Variants in JAK1 observed in about 807,000 individuals in gnomAD.
JAK1 encodes Janus kinase 1, also known as tyrosine-protein kinase JAK1.
A neutral mutation model predicts 136.6 loss-of-function variants in JAK1; 16 were observed. The observed-to-expected ratio is 0.12, with a 90% CI of 0.08 to 0.18. The LOEUF is 0.18. Among genes scored for constraint, JAK1 ranks in the 10% least tolerant of loss-of-function variants. JAK1 has a pLI of 1.00. For missense variants in JAK1, 859 were observed against 1,450.1 expected, an observed-to-expected ratio of 0.59 and a Z score of 6.62; for synonymous variants, 492 against 519.5, an observed-to-expected ratio of 0.95 and a Z score of 0.72.
intron 1 of JAK1, 94 bp from the exon 2 acceptor site, chr1:64,886,435 A>T: frequency 3.2e-6 from 2 of 628,358 alleles, no homozygotes; most frequent in Non-Finnish European, 4.9e-6. Flanking sequence ...CCAAACCATA[A>T]GCAGGCAAGA....
At chr1:65,031,844 G>C (rs946341283) in intron 2 of JAK1, among the ~76,000 whole-genome samples, 1 of 151,978 alleles carries the variant, frequency 6.6e-6, no homozygotes, top group Non-Finnish European at 1.5e-5. Flanking sequence ...TCTGGGTTAA[G>C]GGCACACAGA....
At chr1:65,048,549 C>T (rs1199858678) in intron 1 of JAK1, among the ~76,000 whole-genome samples, 1 of 152,178 alleles carries the variant, frequency 6.6e-6, no homozygotes, top group African/African-American at 2.4e-5. Context: ...ATGCTCAATC[C>T]ATTTCTCAGC....
intron 2 of JAK1, among the ~76,000 whole-genome samples, chr1:65,038,024 T>C (rs78631978): frequency 0.012 from 1,891 of 152,182 alleles, 36 homozygotes; most frequent in African/African-American, 0.043. Context: ...TGTAGTTTCT[T>C]CCCCTTAGCT....
rs1251353439 is a variant in JAK1, at chr1:64,860,086, A to G, written c.1334+19T>C. 4.0e-6 allele frequency: 6 copies of G among 1,495,122 alleles called. No homozygotes were observed. In the East Asian group the frequency reaches 7.2e-5, roughly 18 times the overall value. 92.6% of individuals were successfully genotyped at this position (1,495,122 alleles called of 1,614,324 possible). A position where few individuals can be genotyped will look rare whatever the true frequency, so the allele number is the denominator to read the frequency against. ...GCTCTCTGCACACCAAAGGCAACTGATAAGGTTCTAGGACCAACCAGATTG... is the reference window on the plus strand; with the variant it reads ...GCTCTCTGCACACCAAAGGCAACTGGTAAGGTTCTAGGACCAACCAGATTG... On this transcript the variant is annotated intron_variant, in intron 9 of 24. Transcript: ENST00000342505.
rs777879449 is a variant in JAK1, at chr1:64,956,071, AG to A, written c.-78+10261del. ...CATACATAAAGTTGTATTGGAGCACAGCCACACTCATTGGTTTACATACTGT... is the reference window on the plus strand; with the variant it reads ...CATACATAAAGTTGTATTGGAGCACACCACACTCATTGGTTTACATACTGT... On this transcript the variant is annotated intron_variant, in intron 1 of 24. Transcript: ENST00000342505. Among the ~76,000 whole-genome samples, 77 of 152,376 alleles carry A rather than the reference AG, an allele frequency of 5.1e-4. 1 individual carries two copies. The highest frequency in any genetic ancestry group is 6.8e-3 in the Middle Eastern group (2 of 294).
chr1:64,837,049 T>C (rs1416993572), intron 22 of JAK1, among the ~76,000 whole-genome samples: 1 of 152,186 alleles, frequency 6.6e-6, no homozygotes, highest in Non-Finnish European at 1.5e-5. Context: ...TAGTCACGCA[T>C]GCTGTCTAGC....
At chr1:64,986,617 G>A (rs897568818) in intron 2 of JAK1, among the ~76,000 whole-genome samples, 1 of 152,114 alleles carries the variant, frequency 6.6e-6, no homozygotes, top group African/African-American at 2.4e-5. Context: ...AATAAGCTGG[G>A]TGCAGTGGCT....
At chr1:65,000,916 C>G (rs1360359636) in intron 2 of JAK1, among the ~76,000 whole-genome samples, 1 of 151,572 alleles carries the variant, frequency 6.6e-6, no homozygotes, top group African/African-American at 2.4e-5. Context: ...GGGTCTCACT[C>G]TGTGGCCCAG....
chr1:65,062,731 G>A (rs557557176), intron 1 of JAK1, among the ~76,000 whole-genome samples: 1 of 152,278 alleles, frequency 6.6e-6, no homozygotes, highest in East Asian at 1.9e-4. Context: ...ATTTCCTCAA[G>A]TCAACAGGAC....
chr1:64,853,256 G>A (rs550543145), intron 11 of JAK1, among the ~76,000 whole-genome samples: 4 of 152,294 alleles, frequency 2.6e-5, no homozygotes, highest in African/African-American at 9.6e-5. Context: ...CTCACACACA[G>A]GCCTTATTCT....
intron 2 of JAK1, among the ~76,000 whole-genome samples, chr1:65,027,960 C>T (rs955405700): frequency 1.7e-4 from 26 of 152,294 alleles, no homozygotes; most frequent in African/African-American, 5.5e-4. Context: ...CTGGCACAAC[C>T]CCAACAGCTG....
At chr1:64,979,685 G>A (rs1646527187) in intron 2 of JAK1, 1 of 152,152 alleles carries the variant, frequency 6.6e-6, no homozygotes, top group African/African-American at 2.4e-5. Context: ...CCTTGGCAGG[G>A]GTGGCCACTC....
At chr1:64,894,047 A>G (rs1644977567) in intron 1 of JAK1, among the ~76,000 whole-genome samples, 2 of 152,316 alleles carry the variant, frequency 1.3e-5, no homozygotes, top group East Asian at 3.9e-4. Context: ...GGTACAATCA[A>G]CAGAAACCAG....
At chr1:64,872,064 T>G (rs1164648182) in intron 5 of JAK1, among the ~76,000 whole-genome samples, 1 of 152,196 alleles carries the variant, frequency 6.6e-6, no homozygotes, top group African/African-American at 2.4e-5. Flanking sequence ...GGTCTCTCCT[T>G]GCAGCTCTAC....
chr1:64,838,616 T>C (rs895685748), intron 20 of JAK1, 27 bp from the exon 21 acceptor site: 1 of 1,609,568 alleles, frequency 6.2e-7, no homozygotes, highest in Non-Finnish European at 8.5e-7. Flanking sequence ...TCCATCAGTC[T>C]GAGGCTGCCA....
chr1:64,879,904 C>A (rs375252337), intron 3 of JAK1, among the ~76,000 whole-genome samples: 19 of 152,188 alleles, frequency 1.2e-4, no homozygotes, highest in African/African-American at 3.9e-4. Flanking sequence ...CACTTCTACG[C>A]CCATGATTAA....
At chr1:64,929,331 T>G (rs907823821) in intron 1 of JAK1, among the ~76,000 whole-genome samples, 5 of 152,242 alleles carry the variant, frequency 3.3e-5, no homozygotes, top group South Asian at 2.1e-4. Flanking sequence ...GAGACCAAAG[T>G]TCCCCCTATT....
At chr1:64,894,827 C>T (rs1644991027) in intron 1 of JAK1, among the ~76,000 whole-genome samples, 1 of 152,028 alleles carries the variant, frequency 6.6e-6, no homozygotes, top group Admixed American at 6.6e-5. Context: ...TCTTTCTCTA[C>T]ATGGCCCCCC....
intron 2 of JAK1, among the ~76,000 whole-genome samples, chr1:65,012,788 C>A (rs1395220035): frequency 1.4e-5 from 2 of 146,704 alleles, no homozygotes; most frequent in Admixed American, 7.0e-5. Context: ...CACAGTAAGA[C>A]CCTGTCTCAA....
Sources: gnomAD v4.1 joint callset for allele counts (sites outside exome capture counted in the v4.1 genomes callset) on GRCh38, gnomAD v4.1.1 for gene constraint, MANE v1.5 for transcripts, NCBI Gene and HGNC (gene_info 2026-07-23, HGNC 2026-07-21) for gene names.